The following XPO1 variants were observed in gnomAD, a reference collection of about 807,000 sequenced individuals.
XPO1 encodes exportin-1.
Under a neutral mutation model 133.3 loss-of-function variants are expected in XPO1, and 5 were observed. The observed-to-expected ratio is 0.04, with a 90% CI of 0.02 to 0.08. The LOEUF is 0.08. Ranked by LOEUF, XPO1 falls within the 10% of genes least tolerant of loss-of-function variation. The pLI, the probability that XPO1 is intolerant of heterozygous loss-of-function variation, is 1.00. For synonymous variants in XPO1, 419 were observed against 408.2 expected (o/e 1.03, Z -0.32); for missense variants, 506 against 1,267.5 (o/e 0.40, Z 9.12).
chr2:61,518,607 ACT>A (rs1308081849), intron 4 of XPO1, among the ~76,000 whole-genome samples: 1 of 151,926 alleles, frequency 6.6e-6, no homozygotes, highest in Non-Finnish European at 1.5e-5. Context: ...ACAGAGCGAG[ACT>A]CTGTCTTAAA....
chr2:61,486,178 T>C lies in XPO1; in HGVS notation c.2314-216A>G, dbSNP rs565884459. 2.0e-5 allele frequency among the ~76,000 whole-genome samples: 3 copies of C among 151,984 alleles called. No individual in the cohort carries two copies. In the East Asian group the frequency reaches 5.8e-4, roughly 29 times the overall value. On this transcript the variant is annotated intron_variant, in intron 19 of 24. Coordinates refer to ENST00000401558, the MANE Select transcript of XPO1 (RefSeq NM_003400.4). ...GGGAAGTCTCATGGACACACTGTCA[T>C]TCAAGACTTTTTTTTTTTGAGACAG...
intron 4 of XPO1, among the ~76,000 whole-genome samples, chr2:61,508,949 C>T (rs942766061): frequency 3.9e-5 from 6 of 152,264 alleles, no homozygotes; most frequent in Middle Eastern, 3.4e-3. Context: ...CTAATTTTCA[C>T]GTACAGTTTA....
At chr2:61,505,770 G>A (rs1697777356) in intron 4 of XPO1, among the ~76,000 whole-genome samples, 2 of 151,984 alleles carry the variant, frequency 1.3e-5, no homozygotes, top group Non-Finnish European at 2.9e-5. Context: ...TTTTGGCCAG[G>A]CCATCTCGAA....
intron 24 of XPO1, among the ~76,000 whole-genome samples, chr2:61,479,748 AG>A (rs1255099657): frequency 1.3e-5 from 2 of 151,960 alleles, no homozygotes; most frequent in African/African-American, 4.8e-5. Flanking sequence ...TTTTTACTAG[AG>A]ACGTAGTTTC....
Position 61,482,059 on chromosome 2 carries a change from C to CTTTTTTTTTTTTTTTTT in XPO1, c.2972+320_2972+321insAAAAAAAAAAAAAAAAA, listed in dbSNP as rs1273871116. On this transcript the variant is annotated intron_variant, in intron 23 of 24. Transcript: ENST00000401558. ...CTTTTTTTTTTTTTTTTTTTTTTTG[C>CTTTTTTTTTTTTTTTTT]TTTTTTAAAGAGGCAGGGTCTCACT... 9.8e-3 allele frequency among the ~76,000 whole-genome samples: 400 copies of CTTTTTTTTTTTTTTTTT among 40,972 alleles called. 1 individual carries two copies. Among genetic ancestry groups the CTTTTTTTTTTTTTTTTT allele is most frequent in the Non-Finnish European group, 0.012 (272 of 22,746 alleles). The allele number at this position is 40,972 out of a possible 152,430, so 26.9% of individuals were successfully genotyped here. A position where few individuals can be genotyped will look rare whatever the true frequency, so the allele number is the denominator to read the frequency against.
chr2:61,496,531 C>A (rs557216134), intron 10 of XPO1, among the ~76,000 whole-genome samples: 48 of 152,186 alleles, frequency 3.2e-4, no homozygotes, highest in African/African-American at 1.0e-3. Context: ...TTATGAATAA[C>A]CTTCTAGATC....
chr2:61,528,874 C>G (rs1339531546), intron 2 of XPO1, among the ~76,000 whole-genome samples: 1 of 151,118 alleles, frequency 6.6e-6, no homozygotes, highest in Non-Finnish European at 1.5e-5. Context: ...ATCTTTTTCA[C>G]TTTTGTATCT....
At chr2:61,486,518 G>A (rs950362965) in intron 19 of XPO1, among the ~76,000 whole-genome samples, 2 of 152,072 alleles carry the variant, frequency 1.3e-5, no homozygotes, top group African/African-American at 2.4e-5. Context: ...GTGCAGTGGT[G>A]CCATCTTGGC....
At chr2:61,535,343 A>G (rs1209666476) in intron 1 of XPO1, among the ~76,000 whole-genome samples, 1 of 152,204 alleles carries the variant, frequency 6.6e-6, no homozygotes, top group East Asian at 1.9e-4. Context: ...AGGATTCAGG[A>G]CATCCTGAAA....
At position 61,478,487 on chromosome 2, in the gene XPO1, T is replaced by C. The variant is rs917223066; in HGVS notation, c.*333A>G. The C allele has an allele frequency of 1.8e-5, 5 of 274,698 alleles. No homozygotes were observed. The South Asian group carries it at 3.4e-4, about 19-fold the overall frequency. 17.0% of individuals were successfully genotyped at this position (274,698 alleles called of 1,614,324 possible). ...AAATTGGTATTGTTTACAGGAAAAATTGTATAATTTTGCATTAGAATTACA... is the reference window on the plus strand; with the variant it reads ...AAATTGGTATTGTTTACAGGAAAAACTGTATAATTTTGCATTAGAATTACA... On this transcript the variant is annotated 3_prime_UTR_variant, in exon 25 of 25. Transcript: ENST00000401558.
intron 1 of XPO1, among the ~76,000 whole-genome samples, chr2:61,536,043 G>A (rs1292175810): frequency 6.6e-6 from 1 of 152,138 alleles, no homozygotes; most frequent in Non-Finnish European, 1.5e-5. Context: ...AACAAAAAAG[G>A]ATTAAGAAAA....
chr2:61,480,224 C>T (rs1300652485), intron 24 of XPO1: 1 of 151,318 alleles, frequency 6.6e-6, no homozygotes, highest in Non-Finnish European at 1.5e-5. Context: ...TAATTAATAA[C>T]TGTCATTAAA....
At chr2:61,519,987 T>G (rs748343335) in intron 4 of XPO1, among the ~76,000 whole-genome samples, 21 of 152,150 alleles carry the variant, frequency 1.4e-4, no homozygotes, top group Admixed American at 1.4e-3. Context: ...ATTCCTCTTT[T>G]ACATGTGTTT....
At chr2:61,524,595 G>A (rs1382082965) in intron 3 of XPO1, among the ~76,000 whole-genome samples, 1 of 152,166 alleles carries the variant, frequency 6.6e-6, no homozygotes, top group South Asian at 2.1e-4. Flanking sequence ...CTTTGCCTAT[G>A]AAACTAAAAC....
chr2:61,483,800 T>C (rs528560764), intron 21 of XPO1, 137 bp downstream of exon 21: 6 of 986,950 alleles, frequency 6.1e-6, no homozygotes, highest in African/African-American at 4.9e-5. Context: ...AAACTGCTTA[T>C]AGGATTTTCT....
At chr2:61,523,785 C>T (rs1475685321) in intron 3 of XPO1, among the ~76,000 whole-genome samples, 1 of 152,210 alleles carries the variant, frequency 6.6e-6, no homozygotes, top group South Asian at 2.1e-4. Context: ...TCCCAAACTA[C>T]ATTGTGCTCA....
intron 2 of XPO1, among the ~76,000 whole-genome samples, chr2:61,527,925 T>C (rs1004560147): frequency 2.6e-5 from 4 of 151,834 alleles, no homozygotes; most frequent in African/African-American, 7.3e-5. Flanking sequence ...TATTCCTTTT[T>C]TCTCTCTTTT....
At chr2:61,491,693 A>G (rs1390265261) in intron 16 of XPO1, among the ~76,000 whole-genome samples, 1 of 152,162 alleles carries the variant, frequency 6.6e-6, no homozygotes, top group African/African-American at 2.4e-5. Flanking sequence ...TAGGAGTTCA[A>G]GACCAGCCTG....
At position 61,489,707 on chromosome 2, in the gene XPO1, C is replaced by T. The variant is rs547004706; in HGVS notation, c.2022+935G>A. ...GTAGCTGGGACTTACAGGCGCCCGC[C>T]GCCACACTCAGCTAATTTTTGTATT... On this transcript the variant is annotated intron_variant, in intron 17 of 24. Transcript: ENST00000401558. 7.3e-5 allele frequency among the ~76,000 whole-genome samples: 11 copies of T among 150,960 alleles called. No individual in the cohort carries two copies. In the East Asian group the frequency reaches 1.2e-3, roughly 17 times the overall value.
Sources: gnomAD v4.1 joint callset for allele counts (sites outside exome capture counted in the v4.1 genomes callset) on GRCh38, gnomAD v4.1.1 for gene constraint, MANE v1.5 for transcripts, NCBI Gene and HGNC (gene_info 2026-07-23, HGNC 2026-07-21) for gene names.